The following SCYL1 variants were observed in gnomAD, a reference collection of about 807,000 sequenced individuals.
SCYL1 encodes SCY1 like pseudokinase 1, also known as N-terminal kinase-like protein.
Under a neutral mutation model 94.8 loss-of-function variants are expected in SCYL1, and 85 were observed. The ratio of observed to expected loss-of-function variants is 0.90; its 90% CI spans 0.75 to 1.07. The LOEUF (loss-of-function observed/expected upper bound fraction) is 1.07, where lower values mean the gene tolerates loss of function less well. SCYL1 is among the 50% of genes least tolerant of loss of function. SCYL1 has a pLI of 0.00. For synonymous variants in SCYL1, 459 were observed against 435.5 expected (o/e 1.05, Z -0.67); for missense variants, 968 against 1,083.3 (o/e 0.89, Z 1.49).
rs780011704 is a variant in SCYL1 at position 65,538,610 on chromosome 11, A to G, written c.*44A>G. 4 of 1,589,792 alleles carry G rather than the reference A, an allele frequency of 2.5e-6. No individual in the cohort carries two copies. The African/African-American group carries it at 4.0e-5, about 16-fold the overall frequency. ...CCCGGCTGCGGAGAGCCCGCCCCAC[A>G]GATGTATTTATTGTACAAACCATGT... On this transcript the variant is annotated 3_prime_UTR_variant, in exon 18 of 18. Transcript: ENST00000270176.
chr11:65,535,499 C>T (rs1198956743), intron 10 of SCYL1, 117 bp downstream of exon 10: 36 of 1,315,734 alleles, frequency 2.7e-5, no homozygotes, highest in African/African-American at 5.9e-5. Context: ...AGACCCTGCA[C>T]GCTGTTGGCC....
In SCYL1 at chr11:65,535,316, A is replaced by G. The variant is rs748965897; in HGVS notation, c.1320A>G (p.Glu440=). The change falls in exon 10 of 18, where the codon GAA becomes GAG. Residue 440 remains glutamate, a synonymous_variant. Coordinates refer to ENST00000270176, the MANE Select transcript of SCYL1 (RefSeq NM_020680.4). ...TTGCACGGCTACAGGCCAAGGATGA[A>G]CAGGGCCCCATCCGCTGCAACACCA... is the stretch of plus-strand genomic sequence containing the variant. ...KHFARLQAKD[E]QGPIRCNTTV... 32 of 1,614,246 alleles carry G rather than the reference A, an allele frequency of 2.0e-5. 3 individuals carry two copies. The South Asian group carries it at 3.2e-4, about 16-fold the overall frequency.
At chr11:65,534,390 T>C (rs1565075716) in intron 9 of SCYL1, among the ~76,000 whole-genome samples, 1 of 152,060 alleles carries the variant, frequency 6.6e-6, no homozygotes, top group Non-Finnish European at 1.5e-5. Flanking sequence ...CCAGCCTGGG[T>C]GACAGAGTGA....
At chr11:65,530,894 A>T (rs1469013420) in intron 7 of SCYL1, 107 bp downstream of exon 7, 1 of 1,262,770 alleles carries the variant, frequency 7.9e-7, no homozygotes, top group African/African-American at 1.5e-5. Flanking sequence ...AGCCCATATG[A>T]GCAGGAGCTT....
At position 65,531,572 on chromosome 11, in the gene SCYL1, T is replaced by C; in HGVS notation, c.1009-4T>C. ...CAGCTGAACCCATCTTCCTGCCCTT[T>C]CAGGTGGGCAAGTTCCTGAGCGCTG... On this transcript the variant is annotated splice_region_variant and splice_polypyrimidine_tract_variant and intron_variant, in intron 7 of 17. Coordinates refer to ENST00000270176, the MANE Select transcript of SCYL1 (RefSeq NM_020680.4). 6.2e-7 allele frequency: 1 copy of C among 1,610,190 alleles called. No individual in the cohort carries two copies. The highest frequency in any genetic ancestry group is 8.5e-7 in the Non-Finnish European group (1 of 1,176,512).
At chr11:65,525,498 G>C (rs999192199) in intron 1 of SCYL1, 76 bp from the exon 2 acceptor site, 7 of 1,548,258 alleles carry the variant, frequency 4.5e-6, no homozygotes, top group South Asian at 3.5e-5. Context: ...CCTGGGGAGA[G>C]ACCTGGCTGC....
rs760881009 is a variant in SCYL1 at position 65,525,730 on chromosome 11, CCTGCCCGTCT to C, written c.252+23_252+32del. On this transcript the variant is annotated intron_variant, in intron 2 of 17. Transcript: ENST00000270176. ...TGGACTGGAGGTACCTGCTGCCTTG[CCTGCCCGTCT>C]CTGCCCCTCACGATGTCCTGGTTAC... 2 of 1,611,878 alleles carry C rather than the reference CCTGCCCGTCT, an allele frequency of 1.2e-6. No individual in the cohort carries two copies. Among genetic ancestry groups the C allele is most frequent in the South Asian group, 2.2e-5 (2 of 90,980 alleles).
rs535336436 is a variant in SCYL1 at position 65,530,567 on chromosome 11, T to C, written c.850-62T>C. 544 of 1,548,808 alleles carry C rather than the reference T, an allele frequency of 3.5e-4. 4 individuals are homozygous for C. In the South Asian group the frequency reaches 5.4e-3, roughly 15 times the overall value. On this transcript the variant is annotated intron_variant, in intron 6 of 17. Coordinates refer to ENST00000270176, the MANE Select transcript of SCYL1 (RefSeq NM_020680.4). ...CATCACTTCTCCTTGTCCTCACCCA[T>C]GGCTGGGTTTGGGCTGCAACCAGGC...
chr11:65,525,231 C>T lies in SCYL1; in HGVS notation c.78C>T (p.Pro26=), dbSNP rs1273551585. 1.4e-6 allele frequency: 2 copies of T among 1,455,630 alleles called. No individual in the cohort carries two copies. The highest frequency in any genetic ancestry group is 1.9e-4 in the Middle Eastern group (1 of 5,260). The allele number at this position is 1,455,630 out of a possible 1,614,324, so 90.2% of individuals were successfully genotyped here. The change falls in exon 1 of 18, where the codon CCC becomes CCT. Residue 26 remains proline (P), a synonymous_variant. Transcript: ENST00000270176. ...LIPEPPEGGL[P]GPWALHRGRK... ...CGGAGCCCCCAGAGGGCGGCCTGCC[C>T]GGGCCCTGGGCCCTGCACCGCGGCC...
chr11:65,531,410 A>G (rs1855353841), intron 7 of SCYL1, among the ~76,000 whole-genome samples, 166 bp from the exon 8 acceptor site: 1 of 152,138 alleles, frequency 6.6e-6, no homozygotes, highest in South Asian at 2.1e-4. Context: ...GGTTAAGGGC[A>G]AGGCTGAGAT....
At position 65,538,470 on chromosome 11, in the gene SCYL1, G is replaced by A; in HGVS notation, c.2331G>A (p.Lys777=). 6.3e-7 allele frequency: 1 copy of A among 1,579,512 alleles called. No individual in the cohort carries two copies. The highest frequency in any genetic ancestry group is 8.6e-7 in the Non-Finnish European group (1 of 1,164,842). ...SRQVKAELAR[K]KREERRREME... is the part of the protein sequence containing the mutation. ...AGGTCAAGGCTGAGCTGGCCCGGAA[G>A]AAGCGCGAGGAGCGGCGGCGGGAGA... The change falls in exon 18 of 18, where the codon AAG becomes AAA. Residue 777 remains lysine, a synonymous_variant. Coordinates refer to ENST00000270176, the MANE Select transcript of SCYL1 (RefSeq NM_020680.4).
At chr11:65,536,436 C>A in intron 12 of SCYL1, 102 bp downstream of exon 12, 2 of 1,428,098 alleles carry the variant, frequency 1.4e-6, no homozygotes, top group South Asian at 1.2e-5. Flanking sequence ...TCCTAGTGAG[C>A]AGACTTGACT....
chr11:65,525,876 C>T, intron 2 of SCYL1, 45 bp from the exon 3 acceptor site: 2 of 1,599,146 alleles, frequency 1.3e-6, no homozygotes, highest in South Asian at 1.1e-5. Flanking sequence ...TCTCTCCTTC[C>T]TCTCTGCCCC....
In SCYL1 at chr11:65,536,985, G is replaced by A; in HGVS notation, c.1817-1G>A. 6.2e-7 allele frequency: 1 copy of A among 1,611,002 alleles called. No homozygotes were observed. The highest frequency in any genetic ancestry group is 8.5e-7 in the Non-Finnish European group (1 of 1,177,674). ...AAGCTCAGTGAGCCTCTGCTCCCCA[G>A]GAGTTCCTGCCCCAGCCCCCACCCC... On this transcript the variant is annotated splice_acceptor_variant, in intron 13 of 17. Coordinates refer to ENST00000270176, the MANE Select transcript of SCYL1 (RefSeq NM_020680.4). LOFTEE classifies it high-confidence loss of function.
chr11:65,534,021 G>T (rs990666798), intron 9 of SCYL1, among the ~76,000 whole-genome samples: 1 of 152,134 alleles, frequency 6.6e-6, no homozygotes, highest in African/African-American at 2.4e-5. Flanking sequence ...AAGGGCAGGA[G>T]ATCAAGACCA....
chr11:65,530,245 G>A (rs946679803), intron 6 of SCYL1, among the ~76,000 whole-genome samples: 4 of 152,106 alleles, frequency 2.6e-5, no homozygotes, highest in Admixed American at 1.3e-4. Flanking sequence ...CCTGGGTGGC[G>A]AGCAGTAGAG....
At chr11:65,534,530 T>C (rs1330588717) in intron 9 of SCYL1, among the ~76,000 whole-genome samples, 1 of 152,190 alleles carries the variant, frequency 6.6e-6, no homozygotes, top group East Asian at 1.9e-4. Flanking sequence ...ATCTTGGCTG[T>C]TTCTGTTAGG....
In SCYL1 at chr11:65,532,713, C is replaced by T. The variant is rs202127335; in HGVS notation, c.1138C>T (p.Leu380Phe). The T allele has an allele frequency of 3.5e-5, 56 of 1,613,924 alleles. No individual in the cohort carries two copies. The highest frequency in any genetic ancestry group is 4.4e-5 in the Non-Finnish European group (52 of 1,179,914). Residue 380 changes from leucine to phenylalanine, a missense_variant, in exon 9 of 18, where the codon CTT (leucine) becomes TTT (phenylalanine). Transcript: ENST00000270176. The stretch of plus-strand genomic sequence containing the variant: ...ACAGATGGAGCAGTTCATCCAGTAC[C>T]TTGACGAGCCAACAGTCAACACCCA... Reference protein sequence around the residue: ...LQQMEQFIQYLDEPTVNTQIF... With the variant: ...LQQMEQFIQYFDEPTVNTQIF...
rs115235408 is a variant in SCYL1, at chr11:65,526,372, G to A, written c.602+22G>A. The stretch of plus-strand genomic sequence containing the variant: ...AGTGGTGGGTGACTGGGGGCAGCGC[G>A]CCCCAACCTGCCCTGTCCTGGAGGC... On this transcript the variant is annotated intron_variant, in intron 4 of 17. Transcript: ENST00000270176. The surrounding 1 kb of genome is among the most constrained non-coding windows in gnomAD (Gnocchi z 4.1). 4.7e-4 allele frequency: 736 copies of A among 1,552,546 alleles called. 3 individuals carry two copies. The African/African-American group carries it at 9.0e-3, about 19-fold the overall frequency.
Sources: gnomAD v4.1 joint callset for allele counts (sites outside exome capture counted in the v4.1 genomes callset) on GRCh38, gnomAD v4.1.1 for gene constraint, Gnocchi (gnomAD v3.1) non-coding constraint, MANE v1.5 for transcripts, NCBI Gene and HGNC (gene_info 2026-07-23, HGNC 2026-07-21) for gene names.